The following TPPP variants were observed in gnomAD, a reference collection of about 807,000 sequenced individuals.
The protein encoded by TPPP is tubulin polymerization promoting protein, also known as tubulin polymerization-promoting protein.
TPPP carries 6 observed loss-of-function variants against 15.5 expected under a neutral mutation model. The ratio of observed to expected loss-of-function variants is 0.39; its 90% CI spans 0.21 to 0.77. The LOEUF is 0.77. Among genes scored for constraint, TPPP ranks in the 30% least tolerant of loss-of-function variants. The probability of loss-of-function intolerance (pLI) is 0.42; values close to 1 mark genes in which losing one functional copy is unlikely to be tolerated. For synonymous variants in TPPP, 146 were observed against 133.9 expected, an observed-to-expected ratio of 1.09 and a Z score of -0.63; for missense variants, 269 against 307.2, an observed-to-expected ratio of 0.88 and a Z score of 0.93.
At chr5:698,217 G>A (rs1196321519), upstream of TPPP, among the ~76,000 whole-genome samples, 1 of 151,822 alleles carries the variant, frequency 6.6e-6, no homozygotes, top group Non-Finnish European at 1.5e-5. Context: ...AGAATTAAGG[G>A]GGAAAAGTTG....
chr5:665,651 C>T (rs976882233), intron 3 of TPPP, among the ~76,000 whole-genome samples: 3 of 135,240 alleles, frequency 2.2e-5, no homozygotes, highest in Admixed American at 2.2e-4. Context: ...TCCCCAGGAC[C>T]CCCCCAGGCC....
At chr5:685,551 G>T (rs6863036) in intron 1 of TPPP, among the ~76,000 whole-genome samples, 31,124 of 152,212 alleles carry the variant, frequency 0.2, 6,618 homozygotes, top group African/African-American at 0.54. Context: ...TTCCGGTAAG[G>T]GGGGCAGGGG....
intron 1 of TPPP, chr5:692,761 T>G: frequency 2.1e-6 from 2 of 951,492 alleles, no homozygotes; most frequent in Non-Finnish European, 2.5e-6. Context: ...GACGCGGTGG[T>G]GTCAGGACCC....
intron 2 of TPPP, among the ~76,000 whole-genome samples, chr5:668,923 G>A (rs1010996980): frequency 2.6e-5 from 4 of 152,148 alleles, no homozygotes; most frequent in Middle Eastern, 3.2e-3. Flanking sequence ...CGGAGGTGCC[G>A]CTGGGTGATT....
chr5:698,020 C>A (rs1484258583), upstream of TPPP, among the ~76,000 whole-genome samples: 8 of 145,180 alleles, frequency 5.5e-5, no homozygotes, highest in Non-Finnish European at 1.2e-4. Context: ...GGACGCAAAT[C>A]AATAAATGTG....
rs887096656 is a variant in TPPP, at chr5:660,680, C to G, written c.*4422G>C. ...CAAGGCATCTCCATCTCAACTCCTC[C>G]CCACTCCACTTGTACAGCAGGAGCC... On this transcript the variant is annotated 3_prime_UTR_variant, in exon 4 of 4. Transcript: ENST00000360578. 4.6e-5 allele frequency: 7 copies of G among 152,270 alleles called. No individual in the cohort carries two copies. The East Asian group carries it at 1.2e-3, about 25-fold the overall frequency. 9.4% of individuals were successfully genotyped at this position (152,270 alleles called of 1,614,324 possible).
At chr5:687,261 T>C (rs1436910766) in intron 1 of TPPP, among the ~76,000 whole-genome samples, 7 of 140,128 alleles carry the variant, frequency 5.0e-5, no homozygotes, top group Non-Finnish European at 3.2e-5. Flanking sequence ...AACCCCGGAC[T>C]GTGTCAATTG....
chr5:666,178 C>A, intron 2 of TPPP, 55 bp from the exon 3 acceptor site: 2 of 1,574,402 alleles, frequency 1.3e-6, no homozygotes, highest in Non-Finnish European at 1.7e-6. Context: ...GGGCTGCCCT[C>A]CCCACGCGTG....
chr5:699,257 C>G, the TPPP span, among the ~76,000 whole-genome samples: 7 of 152,138 alleles, frequency 4.6e-5, no homozygotes, highest in African/African-American at 1.7e-4. Context: ...GGTATGGTAA[C>G]CAAAACAGCA....
At chr5:674,024 G>T (rs2126889944) in intron 2 of TPPP, among the ~76,000 whole-genome samples, 1 of 152,360 alleles carries the variant, frequency 6.6e-6, no homozygotes, top group African/African-American at 2.4e-5. Flanking sequence ...ATCACAGCCG[G>T]CACTGCACTT....
At chr5:697,816 A>G, upstream of TPPP, among the ~76,000 whole-genome samples, 1 of 149,398 alleles carries the variant, frequency 6.7e-6, no homozygotes, top group Non-Finnish European at 1.5e-5. Flanking sequence ...GAGGGGGGAT[A>G]TCTCTCTAAC....
chr5:686,389 A>AG (rs1163609676), intron 1 of TPPP, among the ~76,000 whole-genome samples: 3 of 151,606 alleles, frequency 2.0e-5, no homozygotes, highest in African/African-American at 7.3e-5. Flanking sequence ...GAGGCTCTCA[A>AG]GGGGGCAGAG....
chr5:665,932 C>G (rs1229079654), intron 3 of TPPP, 38 bp downstream of exon 3: 2 of 1,105,366 alleles, frequency 1.8e-6, no homozygotes, highest in Middle Eastern at 3.4e-4. Context: ...CCGCCCCCAC[C>G]CCCTCCAGGC....
At chr5:669,529 T>C (rs539624629) in intron 2 of TPPP, among the ~76,000 whole-genome samples, 2 of 152,214 alleles carry the variant, frequency 1.3e-5, no homozygotes, top group African/African-American at 4.8e-5. Flanking sequence ...TCTCCTGTCT[T>C]CTATTCCCAC....
chr5:672,271 C>T (rs1007912363), intron 2 of TPPP, among the ~76,000 whole-genome samples: 1 of 152,188 alleles, frequency 6.6e-6, no homozygotes, highest in Non-Finnish European at 1.5e-5. Flanking sequence ...CCCCAGGGAG[C>T]CTGGCCCTGC....
At chr5:697,682 G>T (rs572447888), upstream of TPPP, among the ~76,000 whole-genome samples, 10 of 152,152 alleles carry the variant, frequency 6.6e-5, no homozygotes, top group African/African-American at 2.2e-4. Context: ...ACTGCCAGAA[G>T]TGGCTTCACT....
intron 1 of TPPP, among the ~76,000 whole-genome samples, chr5:680,260 G>A: frequency 8.7e-6 from 1 of 114,692 alleles, no homozygotes; most frequent in Non-Finnish European, 1.7e-5. Flanking sequence ...GTGGGGGAGA[G>A]GGCAGAAAGG....
chr5:663,103 G>A lies in TPPP; in HGVS notation c.*1999C>T, dbSNP rs538701202. 3.2e-4 allele frequency: 42 copies of A among 133,018 alleles called. No individual in the cohort carries two copies. Among genetic ancestry groups the A allele is most frequent in the Admixed American group, 5.3e-4 (7 of 13,292 alleles). 8.2% of individuals were successfully genotyped at this position (133,018 alleles called of 1,614,324 possible). ...GCTTGTCTGTGATTGGGCGATTCCG[G>A]TGGCCGCTCGTCTGTGATCGGGCGA... On this transcript the variant is annotated 3_prime_UTR_variant, in exon 4 of 4. Coordinates refer to ENST00000360578, the MANE Select transcript of TPPP (RefSeq NM_007030.3).
At chr5:676,867 C>T (rs1197661431) in intron 2 of TPPP, among the ~76,000 whole-genome samples, 8 of 145,452 alleles carry the variant, frequency 5.5e-5, no homozygotes, top group African/African-American at 2.1e-4. Flanking sequence ...GCACACACGA[C>T]GCAGAAACAT....
Sources: allele counts gnomAD v4.1 joint callset (sites outside exome capture counted in the v4.1 genomes callset), GRCh38; gene constraint gnomAD v4.1.1; transcripts MANE v1.5; gene names NCBI Gene and HGNC (gene_info 2026-07-23, HGNC 2026-07-21).